The following ARB2A variants were observed in gnomAD, a reference collection of about 807,000 sequenced individuals.
ARB2A encodes cotranscriptional regulator ARB2A.
the ARB2A span, chr5:94,055,677 CA>C: frequency 1.0e-6 from 1 of 985,242 alleles, no homozygotes; most frequent in South Asian, 4.7e-5. Context: ...TAAATCTTTT[CA>C]AAATAAAGAC....
the ARB2A span, among the ~76,000 whole-genome samples, chr5:93,890,146 T>C: frequency 6.6e-6 from 1 of 151,930 alleles, no homozygotes; most frequent in Admixed American, 6.6e-5. Context: ...ATCATGATGG[T>C]GCTGAAAGTA....
At chr5:93,683,092 C>G in the ARB2A span, 1 of 1,561,422 alleles carries the variant, frequency 6.4e-7, no homozygotes, top group South Asian at 1.1e-5. Flanking sequence ...CTTTTCCATT[C>G]TGATTTGACT....
chr5:93,826,357 C>T, the ARB2A span, among the ~76,000 whole-genome samples: 6,730 of 152,196 alleles, frequency 0.044, 364 homozygotes, highest in Admixed American at 0.15. Flanking sequence ...TTATTAAGGT[C>T]CCCACATGCA....
At chr5:94,043,556 T>G in the ARB2A span, among the ~76,000 whole-genome samples, 1 of 152,352 alleles carries the variant, frequency 6.6e-6, no homozygotes, top group South Asian at 2.1e-4. Context: ...AACAGCATGC[T>G]TTCCTTTAAG....
At chr5:93,730,242 G>C in the ARB2A span, among the ~76,000 whole-genome samples, 1 of 152,074 alleles carries the variant, frequency 6.6e-6, no homozygotes, top group Non-Finnish European at 1.5e-5. Flanking sequence ...TATGGCTGCA[G>C]ATTAACTACT....
chr5:93,717,233 C>T, the ARB2A span, among the ~76,000 whole-genome samples: 5 of 152,076 alleles, frequency 3.3e-5, no homozygotes, highest in African/African-American at 9.7e-5. Flanking sequence ...GATTTTACAT[C>T]GTCTTTTACT....
chr5:93,659,748 G>A, the ARB2A span, among the ~76,000 whole-genome samples: 2 of 152,006 alleles, frequency 1.3e-5, no homozygotes, highest in East Asian at 3.9e-4. Flanking sequence ...TAGTTATAAT[G>A]GTCTTGAAGG....
chr5:93,853,454 TCTC>T, the ARB2A span, among the ~76,000 whole-genome samples: 1 of 152,158 alleles, frequency 6.6e-6, no homozygotes, highest in Non-Finnish European at 1.5e-5. Context: ...TTTATTTCCT[TCTC>T]CTGCCTAATT....
the ARB2A span, among the ~76,000 whole-genome samples, chr5:94,099,808 T>C: frequency 1.3e-5 from 2 of 151,878 alleles, no homozygotes; most frequent in Admixed American, 1.3e-4. Context: ...ATAAGAGATA[T>C]CTATGAGAAA....
chr5:94,029,405 A>AT, the ARB2A span, among the ~76,000 whole-genome samples: 1 of 152,214 alleles, frequency 6.6e-6, no homozygotes, highest in Admixed American at 6.5e-5. Flanking sequence ...AGACCAGGCC[A>AT]ATTATCTTTT....
the ARB2A span, among the ~76,000 whole-genome samples, chr5:93,960,281 A>G: frequency 6.6e-6 from 1 of 152,164 alleles, no homozygotes; most frequent in South Asian, 2.1e-4. Context: ...CAGCATGGAC[A>G]CAGGTCTTAA....
At chr5:93,745,998 G>A in the ARB2A span, among the ~76,000 whole-genome samples, 2 of 152,280 alleles carry the variant, frequency 1.3e-5, no homozygotes, top group African/African-American at 4.8e-5. Context: ...AGTAATCCAG[G>A]AAAACTCTGG....
At chr5:93,962,289 C>T in the ARB2A span, among the ~76,000 whole-genome samples, 1 of 152,118 alleles carries the variant, frequency 6.6e-6, no homozygotes, top group African/African-American at 2.4e-5. Flanking sequence ...AAACATGATG[C>T]ATGTAATAAA....
the ARB2A span, among the ~76,000 whole-genome samples, chr5:93,764,807 C>G: frequency 6.6e-6 from 1 of 152,244 alleles, no homozygotes; most frequent in East Asian, 1.9e-4. Context: ...AAAATACTGG[C>G]AAAATGAATC....
chr5:93,693,087 A>T, the ARB2A span, among the ~76,000 whole-genome samples: 1 of 152,254 alleles, frequency 6.6e-6, no homozygotes, highest in Non-Finnish European at 1.5e-5. Flanking sequence ...CTAAATGCCC[A>T]CAAGAGAAAG....
the ARB2A span, among the ~76,000 whole-genome samples, chr5:93,994,518 G>A: frequency 6.6e-6 from 1 of 152,154 alleles, no homozygotes; most frequent in Non-Finnish European, 1.5e-5. Flanking sequence ...TGGGAAAGAA[G>A]AAATGGAAAG....
the ARB2A span, among the ~76,000 whole-genome samples, chr5:93,768,411 G>T: frequency 6.6e-6 from 1 of 150,976 alleles, no homozygotes; most frequent in Non-Finnish European, 1.5e-5. Flanking sequence ...CTAAATAAAA[G>T]GAAGTGGGAA....
At chr5:93,741,664 G>A in the ARB2A span, 1 of 1,375,398 alleles carries the variant, frequency 7.3e-7, no homozygotes, top group Non-Finnish European at 9.6e-7. Flanking sequence ...AGTGGGCGGA[G>A]AAGGCGTTAC....
the ARB2A span, among the ~76,000 whole-genome samples, chr5:93,910,476 T>C: frequency 6.6e-6 from 1 of 151,496 alleles, no homozygotes; most frequent in Admixed American, 6.6e-5. Flanking sequence ...GAGTATTTTA[T>C]TGGGTAAACT....
Sources: gnomAD v4.1 joint callset for allele counts (sites outside exome capture counted in the v4.1 genomes callset) on GRCh38, gnomAD v4.1.1 for gene constraint, MANE v1.5 for transcripts, NCBI Gene and HGNC (gene_info 2026-07-23, HGNC 2026-07-21) for gene names.